The following MEGF11 variants were observed in gnomAD, a reference collection of about 807,000 sequenced individuals.
The protein encoded by MEGF11 is multiple epidermal growth factor-like domains protein 11.
MEGF11 carries 126 observed loss-of-function variants against 146.6 expected under a neutral mutation model. That is an observed-to-expected ratio of 0.86 (90% CI 0.74 to 1.00). The LOEUF (loss-of-function observed/expected upper bound fraction) is 1.00, where lower values mean the gene tolerates loss of function less well. Among genes scored for constraint, MEGF11 ranks in the 50% least tolerant of loss-of-function variants. MEGF11 has a pLI of 0.00. For missense variants in MEGF11, 1,509 were observed against 1,521.2 expected (o/e 0.99, Z 0.13); for synonymous variants, 532 against 583.4 (o/e 0.91, Z 1.27).
At chr15:66,178,401 T>A (rs1400512297) in intron 1 of MEGF11, among the ~76,000 whole-genome samples, 1 of 152,166 alleles carries the variant, frequency 6.6e-6, no homozygotes, top group African/African-American at 2.4e-5. Context: ...ACATGAGGCC[T>A]CTAAATGAAA....
At chr15:66,079,698 C>G (rs143046839) in intron 5 of MEGF11, among the ~76,000 whole-genome samples, 1 of 152,148 alleles carries the variant, frequency 6.6e-6, no homozygotes, top group Non-Finnish European at 1.5e-5. Flanking sequence ...CATTCAGGTG[C>G]GTTTGCCATA....
intron 4 of MEGF11, among the ~76,000 whole-genome samples, chr15:66,097,431 A>C (rs759928188): frequency 1.3e-5 from 2 of 152,106 alleles, no homozygotes; most frequent in Non-Finnish European, 2.9e-5. Context: ...GCTCTTTCAG[A>C]CCACAGACCC....
At chr15:66,149,582 C>G (rs764169437) in intron 1 of MEGF11, among the ~76,000 whole-genome samples, 4 of 152,124 alleles carry the variant, frequency 2.6e-5, no homozygotes, top group African/African-American at 4.8e-5. Flanking sequence ...CTGGACAGAC[C>G]TCACTCTTCC....
At chr15:66,118,984 G>A (rs926515243) in intron 4 of MEGF11, 102 bp downstream of exon 4, 1 of 775,460 alleles carries the variant, frequency 1.3e-6, no homozygotes, top group African/African-American at 1.7e-5. Flanking sequence ...GAGGACTGCT[G>A]CCTAGGGGCC....
chr15:65,985,555 T>C (rs1248708924), intron 5 of MEGF11, among the ~76,000 whole-genome samples: 4 of 152,212 alleles, frequency 2.6e-5, no homozygotes, highest in Admixed American at 6.5e-5. Context: ...CATACAGTTA[T>C]GCTTTGCTTA....
chr15:65,911,680 G>C (rs1480925433), intron 21 of MEGF11, among the ~76,000 whole-genome samples: 1 of 152,206 alleles, frequency 6.6e-6, no homozygotes, highest in Non-Finnish European at 1.5e-5. Context: ...CAAAGTGCTG[G>C]GATTACAGGC....
At chr15:65,983,481 G>A (rs2081735387) in intron 5 of MEGF11, among the ~76,000 whole-genome samples, 2 of 152,210 alleles carry the variant, frequency 1.3e-5, no homozygotes, top group African/African-American at 4.8e-5. Flanking sequence ...TGAAAGTAGG[G>A]TGTGGAGTTC....
intron 5 of MEGF11, among the ~76,000 whole-genome samples, chr15:66,036,695 G>A (rs745426144): frequency 1.3e-5 from 2 of 152,296 alleles, no homozygotes; most frequent in Middle Eastern, 6.8e-3. Flanking sequence ...GGAAAGGGGC[G>A]GGGAGGCAAA....
intron 1 of MEGF11, among the ~76,000 whole-genome samples, chr15:66,143,643 T>C (rs999772786): frequency 2.0e-5 from 3 of 152,176 alleles, no homozygotes; most frequent in African/African-American, 7.2e-5. Flanking sequence ...CTTCCGGAAG[T>C]TGACTTTCTT....
chr15:66,173,208 C>A (rs987908784), intron 1 of MEGF11, among the ~76,000 whole-genome samples: 1 of 152,216 alleles, frequency 6.6e-6, no homozygotes, highest in East Asian at 1.9e-4. Flanking sequence ...CCTAGACCAT[C>A]TCTACCACAA....
chr15:66,067,962 C>T (rs933018205), intron 5 of MEGF11, among the ~76,000 whole-genome samples: 13 of 152,334 alleles, frequency 8.5e-5, no homozygotes, highest in Middle Eastern at 3.4e-3. Context: ...AATGACGATG[C>T]CACCACTTAC....
chr15:66,236,318 C>A (rs2092090231), intron 1 of MEGF11, among the ~76,000 whole-genome samples: 1 of 152,144 alleles, frequency 6.6e-6, no homozygotes, highest in Admixed American at 6.5e-5. Context: ...GTTTTGACTT[C>A]ATCCCGAGGG....
At chr15:65,987,509 T>C (rs149263356) in intron 5 of MEGF11, among the ~76,000 whole-genome samples, 2 of 152,326 alleles carry the variant, frequency 1.3e-5, no homozygotes, top group African/African-American at 4.8e-5. Context: ...GTAAAAGATA[T>C]ATAGCATACA....
intron 1 of MEGF11, among the ~76,000 whole-genome samples, chr15:66,130,135 C>A (rs369414451): frequency 6.6e-6 from 1 of 152,134 alleles, no homozygotes; most frequent in Non-Finnish European, 1.5e-5. Flanking sequence ...AGGAGCTCAG[C>A]GATCATTTCA....
intron 5 of MEGF11, among the ~76,000 whole-genome samples, chr15:66,090,235 CAGGGT>C (rs1420209679): frequency 1.3e-5 from 2 of 148,210 alleles, no homozygotes; most frequent in Non-Finnish European, 3.0e-5. Flanking sequence ...CAGGGCAGGG[CAGGGT>C]AGGGGCAGGG....
At chr15:66,108,196 G>A (rs919523460) in intron 4 of MEGF11, among the ~76,000 whole-genome samples, 10 of 152,222 alleles carry the variant, frequency 6.6e-5, no homozygotes, top group East Asian at 1.9e-4. Context: ...AGAGAATCAC[G>A]AGTGTCATGT....
At chr15:65,930,773 G>A (rs1481141778) in intron 11 of MEGF11, 50 bp downstream of exon 11, 2 of 1,525,782 alleles carry the variant, frequency 1.3e-6, no homozygotes, top group Admixed American at 1.9e-5. Context: ...GCACCACCTG[G>A]GGAATGTGCT....
At chr15:65,957,851 A>G (rs2080714765) in intron 9 of MEGF11, 130 bp from the exon 10 acceptor site, 1 of 785,970 alleles carries the variant, frequency 1.3e-6, no homozygotes, top group Admixed American at 2.7e-5. Flanking sequence ...TAAATTGCTC[A>G]ATGCCTTTTC....
Position 65,898,749 on chromosome 15 carries a change from T to C in MEGF11, c.3241A>G (p.Asn1081Asp). The C allele has an allele frequency of 6.2e-7, 1 of 1,613,962 alleles. No homozygotes were observed. Among genetic ancestry groups the C allele is most frequent in the Non-Finnish European group, 8.5e-7 (1 of 1,179,822 alleles). Reference sequence around the variant, plus strand: ...CTACCAACTTCATATATATTTTTATTAGATGTCGACAAGGATGGCACATCT... The same window carrying C: ...CTACCAACTTCATATATATTTTTATCAGATGTCGACAAGGATGGCACATCT... Reference protein sequence around the residue: ...YTDVPSLSTSNKNIYEVEPTV... With the variant: ...YTDVPSLSTSDKNIYEVEPTV... The change falls in exon 25 of 26, where the codon AAT (asparagine) becomes GAT (aspartate). Residue 1081 changes from asparagine to aspartate, a missense_variant. Physicochemically the swap from Asn to Asp is conservative, Grantham distance 23 (BLOSUM62 1). Transcript: ENST00000395614.
Sources: allele counts gnomAD v4.1 joint callset (sites outside exome capture counted in the v4.1 genomes callset), GRCh38; gene constraint gnomAD v4.1.1; transcripts MANE v1.5; gene names NCBI Gene and HGNC (gene_info 2026-07-23, HGNC 2026-07-21).